Variants in CASTOR2 observed in about 807,000 individuals in gnomAD.
CASTOR2 encodes GATS protein like 2.
In CASTOR2, 8 loss-of-function variants were observed where a neutral mutation model predicts 31.2. The ratio of observed to expected loss-of-function variants is 0.26; its 90% CI spans 0.15 to 0.46. CASTOR2 has a LOEUF of 0.46. Ranked by LOEUF, CASTOR2 falls within the 20% of genes least tolerant of loss-of-function variation. The probability of loss-of-function intolerance (pLI) is 0.99; values close to 1 mark genes in which losing one functional copy is unlikely to be tolerated. For missense variants in CASTOR2, 216 were observed against 382.1 expected, an observed-to-expected ratio of 0.57 and a Z score of 3.62; for synonymous variants, 162 against 158.7, an observed-to-expected ratio of 1.02 and a Z score of -0.16.
intron 4 of CASTOR2, 137 bp downstream of exon 4, chr7:75,018,259 G>A (rs1804912129): frequency 1.3e-6 from 2 of 1,483,206 alleles, no homozygotes; most frequent in African/African-American, 2.8e-5. Flanking sequence ...GATGCAAAGG[G>A]CCCAGTGTGG....
intron 1 of CASTOR2, among the ~76,000 whole-genome samples, chr7:74,974,773 GGTGGTC>G (rs1264099410): frequency 3.0e-5 from 4 of 132,536 alleles, no homozygotes; most frequent in South Asian, 2.7e-4. Context: ...TGTTGGCCAG[GGTGGTC>G]TCGAACTCCT....
intron 1 of CASTOR2, among the ~76,000 whole-genome samples, chr7:74,973,272 G>C (rs1254413626): frequency 6.7e-6 from 1 of 148,186 alleles, no homozygotes; most frequent in African/African-American, 2.5e-5. Flanking sequence ...GTGAGGGCTT[G>C]ATGAGATAAA....
chr7:75,022,689 C>T (rs997087139), intron 7 of CASTOR2, among the ~76,000 whole-genome samples: 1 of 152,124 alleles, frequency 6.6e-6, no homozygotes, highest in East Asian at 1.9e-4. Flanking sequence ...ATCCCAGCTA[C>T]TCAGGAGGCT....
At chr7:74,988,385 C>T (rs1804123453) in intron 1 of CASTOR2, among the ~76,000 whole-genome samples, 1 of 152,234 alleles carries the variant, frequency 6.6e-6, no homozygotes, top group East Asian at 1.9e-4. Context: ...GCAAGCTCCG[C>T]CTCCCGGGTT....
chr7:75,007,136 T>G (rs1195892529), intron 1 of CASTOR2, among the ~76,000 whole-genome samples: 4 of 152,092 alleles, frequency 2.6e-5, no homozygotes, highest in Non-Finnish European at 5.9e-5. Context: ...CATCTCTGCC[T>G]GCAATACTCT....
At chr7:75,017,862 C>T (rs1324141902) in intron 3 of CASTOR2, 71 bp downstream of exon 3, 5 of 1,613,744 alleles carry the variant, frequency 3.1e-6, no homozygotes, top group Admixed American at 3.3e-5. Flanking sequence ...CCATCTCCCA[C>T]CCCTTGCAGC....
chr7:74,996,344 C>T (rs1447282638), intron 1 of CASTOR2, among the ~76,000 whole-genome samples: 3 of 152,012 alleles, frequency 2.0e-5, no homozygotes, highest in Admixed American at 6.6e-5. Context: ...AGGGCCACTC[C>T]GAGAGTTACC....
At position 75,030,884 on chromosome 7, in the gene CASTOR2, C is replaced by T. The variant is rs1051851308; in HGVS notation, c.*6185C>T. Among the ~76,000 whole-genome samples the T allele has an allele frequency of 3.9e-5, 6 of 152,148 alleles. No individual in the cohort carries two copies. The highest frequency in any genetic ancestry group is 1.9e-4 in the East Asian group (1 of 5,166). ...GTTCACAGGGAGAGTTTGTGGGGGC[C>T]GGCACTCCCTCATCTACTGGGGCTC... On this transcript the variant is annotated 3_prime_UTR_variant, in exon 9 of 9. Transcript: ENST00000616305.
intron 1 of CASTOR2, among the ~76,000 whole-genome samples, chr7:74,982,371 G>GCC (rs1803965720): frequency 6.6e-6 from 1 of 151,682 alleles, no homozygotes; most frequent in South Asian, 2.1e-4. Context: ...TGGGTAACCT[G>GCC]CCCCAGCCAC....
intron 1 of CASTOR2, among the ~76,000 whole-genome samples, chr7:75,006,081 G>A (rs1804599794): frequency 6.6e-6 from 1 of 152,226 alleles, no homozygotes; most frequent in Admixed American, 6.5e-5. Flanking sequence ...AGTGAGCTGA[G>A]ATCATGCCAC....
At chr7:75,018,313 G>A (rs2131954505) in intron 4 of CASTOR2, among the ~76,000 whole-genome samples, 191 bp downstream of exon 4, 1 of 152,330 alleles carries the variant, frequency 6.6e-6, no homozygotes, top group South Asian at 2.1e-4. Context: ...GCCGAGGCAG[G>A]CAATTCACCT....
chr7:74,972,399 G>A (rs1297477351), intron 1 of CASTOR2, among the ~76,000 whole-genome samples: 20 of 150,808 alleles, frequency 1.3e-4, no homozygotes, highest in Admixed American at 2.7e-4. Flanking sequence ...GAGATTACAG[G>A]TGTGAGCCAC....
At chr7:74,994,875 G>A (rs1363238970) in intron 1 of CASTOR2, among the ~76,000 whole-genome samples, 3 of 152,298 alleles carry the variant, frequency 2.0e-5, no homozygotes, top group Non-Finnish European at 2.9e-5. Flanking sequence ...GGGACAGGGT[G>A]TAATAGGAGA....
rs879121750 is a variant in CASTOR2 at position 75,026,189 on chromosome 7, G to GTTTTTTTT, written c.*1500_*1507dup. On this transcript the variant is annotated 3_prime_UTR_variant, in exon 9 of 9. Transcript: ENST00000616305. ...CCCTGTGGTTTTGGCTCTGGCGGGG[G>GTTTTTTTT]TTTTTTTTTTTTTTTTTGAGATGGG... 1.4e-4 allele frequency among the ~76,000 whole-genome samples: 16 copies of GTTTTTTTT among 117,700 alleles called. No homozygotes were observed. Among genetic ancestry groups the GTTTTTTTT allele is most frequent in the Admixed American group, 1.9e-4 (2 of 10,770 alleles). 77.2% of individuals were successfully genotyped at this position (117,700 alleles called of 152,430 possible).
chr7:75,020,554 T>G lies in CASTOR2; in HGVS notation c.746+405T>G, dbSNP rs1395116200. 1.1e-4 allele frequency among the ~76,000 whole-genome samples: 17 copies of G among 149,316 alleles called. 1 individual carries two copies. The highest frequency in any genetic ancestry group is 1.0e-3 in the East Asian group (5 of 4,958). ...CGCCCAGGCTGGAGTGCAGTGGCAC[T>G]ATCTCGGCTCACTGCAAGCTCCACC... On this transcript the variant is annotated intron_variant, in intron 6 of 8. Coordinates refer to ENST00000616305, the MANE Select transcript of CASTOR2 (RefSeq NM_001145064.3).
At chr7:75,018,869 C>T (rs1253983117) in intron 4 of CASTOR2, 103 bp from the exon 5 acceptor site, 2 of 1,529,304 alleles carry the variant, frequency 1.3e-6, no homozygotes, top group African/African-American at 1.4e-5. Context: ...TCTCTTGGGG[C>T]CTGCAGCTGA....
intron 1 of CASTOR2, among the ~76,000 whole-genome samples, chr7:74,971,309 G>C (rs1413458377): frequency 2.3e-5 from 2 of 88,386 alleles, no homozygotes; most frequent in Non-Finnish European, 4.5e-5. Context: ...AGGATGCTTT[G>C]AGCTACAAAC....
intron 1 of CASTOR2, among the ~76,000 whole-genome samples, chr7:74,990,905 A>G (rs1210981583): frequency 6.6e-6 from 1 of 151,874 alleles, no homozygotes; most frequent in Admixed American, 6.6e-5. Context: ...GCACACGCCT[A>G]TAGTCCCAGC....
intron 1 of CASTOR2, among the ~76,000 whole-genome samples, chr7:74,991,227 T>C (rs1430801907): frequency 6.6e-6 from 1 of 152,164 alleles, no homozygotes; most frequent in African/African-American, 2.4e-5. Context: ...CAGTGGCCTT[T>C]ATCACATTCT....
Sources: gnomAD v4.1 joint callset for allele counts (sites outside exome capture counted in the v4.1 genomes callset) on GRCh38, gnomAD v4.1.1 for gene constraint, MANE v1.5 for transcripts, NCBI Gene and HGNC (gene_info 2026-07-23, HGNC 2026-07-21) for gene names.